Variants in TAFA5 observed in about 807,000 individuals in gnomAD.
The protein encoded by TAFA5 is chemokine-like protein TAFA-5.
Under a neutral mutation model 15.3 loss-of-function variants are expected in TAFA5, and 6 were observed. That is an observed-to-expected ratio of 0.39 (90% CI 0.21 to 0.77). The LOEUF is 0.77. TAFA5 is among the 30% of genes least tolerant of loss of function. The probability of loss-of-function intolerance (pLI) is 0.41; values close to 1 mark genes in which losing one functional copy is unlikely to be tolerated. For synonymous variants in TAFA5, 103 were observed against 80.7 expected (o/e 1.28, Z -1.48); for missense variants, 161 against 193.1 (o/e 0.83, Z 0.98).
intron 2 of TAFA5, among the ~76,000 whole-genome samples, chr22:48,658,805 G>A (rs919782502): frequency 4.6e-5 from 7 of 152,238 alleles, no homozygotes; most frequent in Non-Finnish European, 1.0e-4. Context: ...GACCAGGCCT[G>A]TGGCCACAGT....
intron 1 of TAFA5, among the ~76,000 whole-genome samples, chr22:48,633,539 C>CTCTCTCTCTCTCTCTCTCTCT (rs1569056626): frequency 2.8e-4 from 36 of 128,802 alleles, no homozygotes; most frequent in East Asian, 2.6e-3. Context: ...TCTGTCTCTC[C>CTCTCTCTCTCTCTCTCTCTCT]CTCTCTCTCT....
At chr22:48,553,906 C>G (rs1043752723) in intron 1 of TAFA5, among the ~76,000 whole-genome samples, 1 of 152,218 alleles carries the variant, frequency 6.6e-6, no homozygotes, top group Non-Finnish European at 1.5e-5. Context: ...ACCTGCCCAG[C>G]TCTTGGCCTC....
intron 1 of TAFA5, among the ~76,000 whole-genome samples, chr22:48,582,466 C>A (rs201747154): frequency 6.6e-6 from 1 of 150,878 alleles, no homozygotes; most frequent in Non-Finnish European, 1.5e-5. Context: ...ACACAAAATA[C>A]ACCACACACA....
Position 48,751,510 on chromosome 22 carries a change from A to T in TAFA5, c.*1663A>T, listed in dbSNP as rs937708712. 6.6e-6 allele frequency: 1 copy of T among 152,484 alleles called. No homozygotes were observed. Among genetic ancestry groups the T allele is most frequent in the Non-Finnish European group, 1.5e-5 (1 of 68,054 alleles). 9.4% of individuals were successfully genotyped at this position (152,484 alleles called of 1,614,324 possible). On this transcript the variant is annotated 3_prime_UTR_variant, in exon 4 of 4. Coordinates refer to ENST00000402357, the MANE Select transcript of TAFA5 (RefSeq NM_001082967.3). ...CTAAAAAAAACGTAAAAAAATAACT[A>T]TATAGAAGCTGTTCCAGCAACCATA...
chr22:48,644,096 C>T (rs540228432), intron 1 of TAFA5, among the ~76,000 whole-genome samples: 3 of 152,326 alleles, frequency 2.0e-5, no homozygotes, highest in East Asian at 1.9e-4. Context: ...GCTCTTTCCT[C>T]GTGGTATTTA....
intron 2 of TAFA5, among the ~76,000 whole-genome samples, chr22:48,684,095 A>G (rs1928280126): frequency 1.3e-5 from 2 of 151,982 alleles, no homozygotes; most frequent in African/African-American, 4.8e-5. Context: ...TGATTTTCCC[A>G]AGGCCCCGAG....
At chr22:48,723,209 C>A in intron 3 of TAFA5, among the ~76,000 whole-genome samples, 1 of 152,230 alleles carries the variant, frequency 6.6e-6, no homozygotes, top group East Asian at 1.9e-4. Flanking sequence ...GGGGCTCTGC[C>A]AGCCACCCCC....
At chr22:48,538,207 G>A (rs576554499) in intron 1 of TAFA5, among the ~76,000 whole-genome samples, 35 of 152,094 alleles carry the variant, frequency 2.3e-4, no homozygotes, top group African/African-American at 7.2e-4. Flanking sequence ...ACTACCTGGC[G>A]CTCTACCGAA....
At chr22:48,707,961 CAG>C (rs2147251481) in intron 3 of TAFA5, 117 bp downstream of exon 3, 2 of 1,355,738 alleles carry the variant, frequency 1.5e-6, no homozygotes, top group Non-Finnish European at 1.0e-6. Flanking sequence ...CATCCTCATG[CAG>C]AGAGGCCAGG....
intron 3 of TAFA5, among the ~76,000 whole-genome samples, chr22:48,725,632 G>A (rs1184324037): frequency 6.6e-6 from 1 of 151,286 alleles, no homozygotes. Context: ...GAGTTTAGTT[G>A]TGTATTGGGA....
chr22:48,724,709 C>T (rs12159446), intron 3 of TAFA5, among the ~76,000 whole-genome samples: 2,595 of 152,350 alleles, frequency 0.017, 82 homozygotes, highest in African/African-American at 0.06. Context: ...TGACAGTGAC[C>T]TCCTGTAATG....
At chr22:48,517,862 G>A (rs533009134) in intron 1 of TAFA5, among the ~76,000 whole-genome samples, 1 of 152,366 alleles carries the variant, frequency 6.6e-6, no homozygotes, top group South Asian at 2.1e-4. Flanking sequence ...GGCCGGGTGG[G>A]GGTGAGGTTC....
chr22:48,513,312 C>G (rs1157455495), intron 1 of TAFA5, among the ~76,000 whole-genome samples: 1 of 152,226 alleles, frequency 6.6e-6, no homozygotes, highest in Non-Finnish European at 1.5e-5. Context: ...CTTGTAACAT[C>G]GAAGCGTTTT....
Position 48,552,308 on chromosome 22 carries a change from G to C in TAFA5, c.112+62604G>C, listed in dbSNP as rs1049995635. ...CACCCAGGAGTTGGGCTCTGGGCAG[G>C]GAGGAGGGCTTCCTGGAGGCAGTGG... On this transcript the variant is annotated intron_variant, in intron 1 of 3. Transcript: ENST00000402357. This position sits in a 1 kb window ranked among gnomAD's most constrained non-coding sequence, Gnocchi z 4.1. Among the ~76,000 whole-genome samples the C allele has an allele frequency of 6.6e-6, 1 of 152,188 alleles. No individual in the cohort carries two copies. Among genetic ancestry groups the C allele is most frequent in the African/African-American group, 2.4e-5 (1 of 41,446 alleles).
chr22:48,749,284 A>AT, intron 3 of TAFA5, among the ~76,000 whole-genome samples: 1 of 152,302 alleles, frequency 6.6e-6, no homozygotes. Context: ...TCAGATCCCC[A>AT]TCCCCCAGTA....
intron 2 of TAFA5, among the ~76,000 whole-genome samples, chr22:48,686,906 G>GGATGGATA (rs1455763118): frequency 7.0e-5 from 5 of 71,508 alleles, no homozygotes; most frequent in Admixed American, 4.6e-4. Context: ...TTGAATGGAT[G>GGATGGATA]GATGGATGGA....
intron 1 of TAFA5, among the ~76,000 whole-genome samples, chr22:48,538,688 G>A (rs1186667079): frequency 2.0e-5 from 3 of 152,162 alleles, no homozygotes; most frequent in Non-Finnish European, 2.9e-5. Flanking sequence ...GCTACTTCCC[G>A]GCATGGTCTT....
At chr22:48,738,001 C>A (rs1199218254) in intron 3 of TAFA5, among the ~76,000 whole-genome samples, 2 of 152,124 alleles carry the variant, frequency 1.3e-5, no homozygotes, top group South Asian at 2.1e-4. Flanking sequence ...GGGGCTCTGG[C>A]CTCCTTTGGA....
rs1328359477 is a variant in TAFA5 at position 48,542,564 on chromosome 22, G to T, written c.112+52860G>T. ...GTGTGTGTGATGTGTATGTGTGTGT[G>T]GTGTGTGTGGTGTGTGTGCGGGTGT... On this transcript the variant is annotated intron_variant, in intron 1 of 3. Transcript: ENST00000402357. Among the ~76,000 whole-genome samples the T allele has an allele frequency of 7.7e-5, 7 of 91,404 alleles. 1 individual carries two copies. In the South Asian group the frequency reaches 1.3e-3, roughly 17 times the overall value. The allele number at this position is 91,404 out of a possible 152,430, so 60.0% of individuals were successfully genotyped here.
Sources: gnomAD v4.1 joint callset for allele counts (sites outside exome capture counted in the v4.1 genomes callset) on GRCh38, gnomAD v4.1.1 for gene constraint, Gnocchi (gnomAD v3.1) non-coding constraint, MANE v1.5 for transcripts, NCBI Gene and HGNC (gene_info 2026-07-23, HGNC 2026-07-21) for gene names.